Variants in CKAP5 observed in about 807,000 individuals in gnomAD.
CKAP5 encodes cytoskeleton associated protein 5.
CKAP5 carries 27 observed loss-of-function variants against 232.8 expected under a neutral mutation model. The ratio of observed to expected loss-of-function variants is 0.12; its 90% CI spans 0.09 to 0.16. The LOEUF is 0.16. Among genes scored for constraint, CKAP5 ranks in the 10% least tolerant of loss-of-function variants. The pLI, the probability that CKAP5 is intolerant of heterozygous loss-of-function variation, is 1.00. For missense variants in CKAP5, 1,838 were observed against 2,424.7 expected, an observed-to-expected ratio of 0.76 and a Z score of 5.08; for synonymous variants, 785 against 841.1, an observed-to-expected ratio of 0.93 and a Z score of 1.16.
At chr11:46,821,154 C>G in intron 2 of CKAP5, 21 bp downstream of exon 2, 1 of 1,592,446 alleles carries the variant, frequency 6.3e-7, no homozygotes, top group South Asian at 1.1e-5. Context: ...CACTGAAAAT[C>G]GAATTCCAGA....
Position 46,754,991 on chromosome 11 carries a change from A to G in CKAP5, c.4766T>C (p.Phe1589Ser). The G allele has an allele frequency of 6.2e-7, 1 of 1,614,082 alleles. No homozygotes were observed. Among genetic ancestry groups the G allele is most frequent in the Non-Finnish European group, 8.5e-7 (1 of 1,179,984 alleles). The change falls in exon 36 of 44, where the codon TTT (phenylalanine) becomes TCT (serine). Residue 1589 changes from phenylalanine (F) to serine (S), a missense_variant. Physicochemically the swap from Phe to Ser is radical, Grantham distance 155. This residue lies in a region of CKAP5 where 579 missense variants were observed against 843.2 expected (regional missense o/e 0.69). Transcript: ENST00000529230. ...GTTGTAGATGAGTCTTAGCTGCATA[A>G]AAGTGGCTATCAGAAACTGATCAAT... ...GHIDQFLIAT[F>S]MQLRLIYNTH...
chr11:46,835,081 T>C (rs1002669252), intron 1 of CKAP5, among the ~76,000 whole-genome samples: 1 of 152,092 alleles, frequency 6.6e-6, no homozygotes, highest in African/African-American at 2.4e-5. Flanking sequence ...CTTCTAGTTA[T>C]CTTGTAGCAG....
intron 12 of CKAP5, among the ~76,000 whole-genome samples, 186 bp from the exon 13 acceptor site, chr11:46,795,962 G>C (rs1015147610): frequency 3.9e-5 from 6 of 152,036 alleles, no homozygotes; most frequent in African/African-American, 1.5e-4. Context: ...TCAGAGGTTT[G>C]AGACCAGCCT....
chr11:46,818,038 T>C (rs959015824), intron 3 of CKAP5, among the ~76,000 whole-genome samples: 4 of 152,114 alleles, frequency 2.6e-5, no homozygotes, highest in African/African-American at 7.2e-5. Flanking sequence ...ATAATTCCCA[T>C]ACAAAAAGCT....
At chr11:46,816,515 G>T (rs1172697984) in intron 3 of CKAP5, 111 bp from the exon 4 acceptor site, 9 of 738,434 alleles carry the variant, frequency 1.2e-5, no homozygotes, top group Non-Finnish European at 2.0e-5. Flanking sequence ...TACAGTAAAT[G>T]AGTCTTTAAT....
intron 1 of CKAP5, among the ~76,000 whole-genome samples, chr11:46,827,809 G>A (rs1007738): frequency 0.65 from 98,164 of 151,932 alleles, 33,301 homozygotes; most frequent in Non-Finnish European, 0.77. Flanking sequence ...TAGTAGAAAC[G>A]GCATTAATAT....
intron 15 of CKAP5, among the ~76,000 whole-genome samples, chr11:46,789,762 C>T (rs1212087399): frequency 6.6e-6 from 1 of 152,068 alleles, no homozygotes; most frequent in Non-Finnish European, 1.5e-5. Context: ...CCCCACTGTA[C>T]TCCAGCCTGG....
At chr11:46,752,319 C>T (rs2065075828) in intron 38 of CKAP5, among the ~76,000 whole-genome samples, 2 of 144,456 alleles carry the variant, frequency 1.4e-5, no homozygotes, top group South Asian at 4.4e-4. Flanking sequence ...TATAAAAAAC[C>T]ATATATATAT....
chr11:46,791,466 G>A (rs897286855), intron 13 of CKAP5, among the ~76,000 whole-genome samples: 1 of 151,918 alleles, frequency 6.6e-6, no homozygotes, highest in African/African-American at 2.4e-5. Flanking sequence ...GAGCCCAGCA[G>A]TTTGAGACCA....
chr11:46,748,237 G>C (rs1168888373), intron 42 of CKAP5, among the ~76,000 whole-genome samples: 1 of 152,098 alleles, frequency 6.6e-6, no homozygotes, highest in Non-Finnish European at 1.5e-5. Context: ...GCTATGTGTA[G>C]AAAAGAACAG....
intron 1 of CKAP5, among the ~76,000 whole-genome samples, chr11:46,822,762 A>AAAG (rs1565753685): frequency 6.1e-5 from 9 of 148,156 alleles, no homozygotes; most frequent in African/African-American, 2.2e-4. Context: ...AAAAAAAAAA[A>AAAG]AAGAAAGAAA....
rs575672042 is a variant in CKAP5, at chr11:46,744,176, G to A, written c.5946C>T (p.Leu1982=). 2.9e-5 allele frequency: 47 copies of A among 1,614,206 alleles called. No homozygotes were observed. The highest frequency in any genetic ancestry group is 1.1e-4 in the East Asian group (5 of 44,890). The change falls in exon 44 of 44, where the codon CTC becomes CTT. Residue 1982 remains leucine, a synonymous_variant. Coordinates refer to ENST00000529230, the MANE Select transcript of CKAP5 (RefSeq NM_001008938.4). The part of the protein sequence containing the change: ...ASSTDMLHSK[L]SQLRESREQH... Reference sequence around the variant, plus strand: ...GCTCCCGTGACTCCCGGAGCTGAGAGAGTTTGCTGTGGAGCATGTCTGTGG... The same window carrying A: ...GCTCCCGTGACTCCCGGAGCTGAGAAAGTTTGCTGTGGAGCATGTCTGTGG...
intron 18 of CKAP5, among the ~76,000 whole-genome samples, chr11:46,782,268 A>G (rs1383826193): frequency 6.6e-6 from 1 of 152,250 alleles, no homozygotes; most frequent in Non-Finnish European, 1.5e-5. Context: ...TGGAACAAAC[A>G]ATTGGAACAT....
intron 4 of CKAP5, among the ~76,000 whole-genome samples, chr11:46,812,304 C>T (rs1939292063): frequency 1.3e-5 from 2 of 151,898 alleles, no homozygotes; most frequent in Admixed American, 6.6e-5. Flanking sequence ...GCACTCCATC[C>T]AGCCTGGGCA....
At chr11:46,789,956 C>T (rs1351967289) in intron 15 of CKAP5, 120 bp downstream of exon 15, 4 of 606,980 alleles carry the variant, frequency 6.6e-6, no homozygotes, top group Non-Finnish European at 1.2e-5. Context: ...ATCTTTAATG[C>T]CATAAAACGT....
intron 4 of CKAP5, among the ~76,000 whole-genome samples, chr11:46,814,878 A>G (rs1180346409): frequency 6.6e-6 from 1 of 152,228 alleles, no homozygotes; most frequent in Non-Finnish European, 1.5e-5. Flanking sequence ...GGTTAGCTTT[A>G]GTCCACAAAC....
At chr11:46,744,616 C>T (rs200826812) in intron 42 of CKAP5, 39 bp from the exon 43 acceptor site, 2 of 1,582,148 alleles carry the variant, frequency 1.3e-6, no homozygotes, top group East Asian at 2.2e-5. Flanking sequence ...CAGATATCCA[C>T]ATATCCCCCT....
intron 42 of CKAP5, among the ~76,000 whole-genome samples, chr11:46,746,831 A>G (rs1199333537): frequency 6.6e-6 from 1 of 152,244 alleles, no homozygotes; most frequent in Non-Finnish European, 1.5e-5. Context: ...AGGTGATAGC[A>G]ATTTTTCAGC....
intron 1 of CKAP5, among the ~76,000 whole-genome samples, chr11:46,837,397 T>C (rs533480210): frequency 2.0e-5 from 3 of 152,274 alleles, no homozygotes; most frequent in East Asian, 1.9e-4. Flanking sequence ...GATGGCTACA[T>C]AGAGAAATAT....
Sources: allele counts gnomAD v4.1 joint callset (sites outside exome capture counted in the v4.1 genomes callset), GRCh38; gene constraint gnomAD v4.1.1; regional missense constraint gnomAD v4.1.1; transcripts MANE v1.5; gene names NCBI Gene and HGNC (gene_info 2026-07-23, HGNC 2026-07-21).